Variants in CLEC2L observed in about 807,000 individuals in gnomAD.
The protein encoded by CLEC2L is C-type lectin domain family 2 member L.
In CLEC2L, 14 loss-of-function variants were observed where a neutral mutation model predicts 23.6. That is an observed-to-expected ratio of 0.59 (90% CI 0.39 to 0.93). The LOEUF is 0.93. CLEC2L is among the 40% of genes least tolerant of loss of function. CLEC2L has a pLI of 0.00. For missense variants in CLEC2L, 264 were observed against 282.4 expected (o/e 0.93, Z 0.47); for synonymous variants, 114 against 121.3 (o/e 0.94, Z 0.40).
intron 4 of CLEC2L, 129 bp from the exon 5 acceptor site, chr7:139,544,102 C>T (rs1026546426): frequency 1.5e-6 from 1 of 663,934 alleles, no homozygotes; most frequent in Non-Finnish European, 2.7e-6. Context: ...GCCCAAATGT[C>T]CTAGAAGGCA....
At chr7:139,535,951 C>T (rs973192309) in intron 1 of CLEC2L, among the ~76,000 whole-genome samples, 12 of 152,246 alleles carry the variant, frequency 7.9e-5, no homozygotes, top group African/African-American at 1.4e-4. Flanking sequence ...ATCAGAGCTG[C>T]GCTCTACAGC....
intron 1 of CLEC2L, among the ~76,000 whole-genome samples, chr7:139,533,935 A>G (rs564741899): frequency 1.7e-4 from 26 of 152,260 alleles, no homozygotes; most frequent in Non-Finnish European, 2.8e-4. Flanking sequence ...AACATTGACT[A>G]AAAAAACACT....
rs1421128544 is a variant in CLEC2L, at chr7:139,544,368, G to T, written c.*26G>T. On this transcript the variant is annotated 3_prime_UTR_variant, in exon 5 of 5. Coordinates refer to ENST00000422142, the MANE Select transcript of CLEC2L (RefSeq NM_001080511.4). Reference sequence around the variant, plus strand: ...GGTGGGTGGGGCCAGAGGTGGCCCCGCCCCTAGGCCTGTGGGAGGTGTCTG... The same window carrying T: ...GGTGGGTGGGGCCAGAGGTGGCCCCTCCCCTAGGCCTGTGGGAGGTGTCTG... 2 of 1,479,388 alleles carry T rather than the reference G, an allele frequency of 1.4e-6. No homozygotes were observed. Among genetic ancestry groups the T allele is most frequent in the Non-Finnish European group, 1.9e-6 (2 of 1,068,118 alleles). The allele number at this position is 1,479,388 out of a possible 1,614,324, so 91.6% of individuals were successfully genotyped here. A position where few individuals can be genotyped will look rare whatever the true frequency, so the allele number is the denominator to read the frequency against.
At chr7:139,538,440 AAAAC>A (rs1240059215) in intron 2 of CLEC2L, among the ~76,000 whole-genome samples, 4 of 146,838 alleles carry the variant, frequency 2.7e-5, no homozygotes, top group African/African-American at 1.0e-4. Context: ...CAAAAAAAAA[AAAAC>A]AAAAAACAAA....
chr7:139,524,778 T>G (rs1035129945), intron 1 of CLEC2L, among the ~76,000 whole-genome samples: 13 of 151,932 alleles, frequency 8.6e-5, no homozygotes, highest in Non-Finnish European at 7.4e-5. Context: ...CGGCGTGTGG[T>G]GTGGGAGATG....
rs1431170204 is a variant in CLEC2L at position 139,540,722 on chromosome 7, C to T, written c.432+235C>T. Among the ~76,000 whole-genome samples, 1 of 152,128 alleles carries T rather than the reference C, an allele frequency of 6.6e-6. No individual in the cohort carries two copies. The highest frequency in any genetic ancestry group is 1.5e-5 in the Non-Finnish European group (1 of 68,030). On this transcript the variant is annotated intron_variant, in intron 3 of 4. Coordinates refer to ENST00000422142, the MANE Select transcript of CLEC2L (RefSeq NM_001080511.4). This position sits in a 1 kb window ranked among gnomAD's most constrained non-coding sequence, Gnocchi z 5.8. The stretch of plus-strand genomic sequence containing the variant: ...AGGCCACCTATTTCAATCCAAGGCC[C>T]ACTGGTTGAGGTCACTTAGTATTAT...
chr7:139,530,055 G>A (rs973396312), intron 1 of CLEC2L, among the ~76,000 whole-genome samples: 2 of 151,320 alleles, frequency 1.3e-5, no homozygotes, highest in Non-Finnish European at 1.5e-5. Flanking sequence ...ATGGTGGCAC[G>A]TGCCTCTAAT....
At chr7:139,532,402 G>A (rs1198712470) in intron 1 of CLEC2L, among the ~76,000 whole-genome samples, 4 of 152,192 alleles carry the variant, frequency 2.6e-5, no homozygotes, top group Non-Finnish European at 4.4e-5. Flanking sequence ...TGGGAGAAAA[G>A]GAACAGAGGA....
At chr7:139,543,293 C>T (rs1470338628) in intron 4 of CLEC2L, among the ~76,000 whole-genome samples, 3 of 152,214 alleles carry the variant, frequency 2.0e-5, no homozygotes, top group African/African-American at 4.8e-5. Context: ...GGTCTGCTCT[C>T]TCAGAGTGGC....
rs867958791 is a variant in CLEC2L at position 139,536,262 on chromosome 7, C to G, written c.191-12C>G. 6.2e-5 allele frequency: 96 copies of G among 1,550,884 alleles called. No individual in the cohort carries two copies. The Middle Eastern group carries it at 1.8e-3, about 30-fold the overall frequency. Reference sequence around the variant, plus strand: ...GGGCGGTGGGATGTTGAACCCCTCTCTCTTCTCCTAGACACCACCACACGC... The same window carrying G: ...GGGCGGTGGGATGTTGAACCCCTCTGTCTTCTCCTAGACACCACCACACGC... On this transcript the variant is annotated splice_polypyrimidine_tract_variant and intron_variant, in intron 1 of 4. Coordinates refer to ENST00000422142, the MANE Select transcript of CLEC2L (RefSeq NM_001080511.4).
chr7:139,524,894 C>G (rs1797484417), intron 1 of CLEC2L, among the ~76,000 whole-genome samples: 1 of 152,086 alleles, frequency 6.6e-6, no homozygotes, highest in Non-Finnish European at 1.5e-5. Flanking sequence ...ACTAGGGAAG[C>G]CTGGAGCCTG....
At chr7:139,534,500 T>A in intron 1 of CLEC2L, 1 of 778,586 alleles carries the variant, frequency 1.3e-6, no homozygotes, top group Non-Finnish European at 2.4e-6. Context: ...AAAGACTGGA[T>A]TAAAGAGAAG....
rs767203567 is a variant in CLEC2L at position 139,540,287 on chromosome 7, G to T, written c.266-34G>T. 1.3e-5 allele frequency: 21 copies of T among 1,576,054 alleles called. No individual in the cohort carries two copies. The highest frequency in any genetic ancestry group is 8.9e-5 in the Admixed American group (5 of 56,002). On this transcript the variant is annotated intron_variant, in intron 2 of 4. Transcript: ENST00000422142. The surrounding 1 kb of genome is among the most constrained non-coding windows in gnomAD (Gnocchi z 5.8). ...AGCAGAGTGGGACTCGGGCTGGGGG[G>T]GCGGGCAGGGCCGAGCTGGTCTCTT...
chr7:139,531,797 C>G (rs780094196), intron 1 of CLEC2L, among the ~76,000 whole-genome samples: 2 of 151,858 alleles, frequency 1.3e-5, no homozygotes, highest in African/African-American at 2.4e-5. Context: ...GTAATCTCAG[C>G]TACTTGGGAG....
chr7:139,541,965 G>C, intron 3 of CLEC2L, 56 bp from the exon 4 acceptor site: 2 of 1,192,672 alleles, frequency 1.7e-6, no homozygotes, highest in Non-Finnish European at 2.4e-6. Flanking sequence ...CTTGGGATGT[G>C]ACAGCAGTCA....
chr7:139,535,710 T>C lies in CLEC2L; in HGVS notation c.191-564T>C, dbSNP rs370301545. The stretch of plus-strand genomic sequence containing the variant: ...ATGGATGGTGTAGAGGTGGGTGAAT[T>C]TTAGGAAGTATCTGTGGAGGAGGTG... On this transcript the variant is annotated intron_variant, in intron 1 of 4. Transcript: ENST00000422142. Among the ~76,000 whole-genome samples, 45 of 150,834 alleles carry C rather than the reference T, an allele frequency of 3.0e-4. 2 individuals are homozygous for C. The highest frequency in any genetic ancestry group is 2.2e-3 in the Admixed American group (33 of 15,166).
At chr7:139,536,976 CAAAA>C (rs1159255018) in intron 2 of CLEC2L, among the ~76,000 whole-genome samples, 2 of 37,312 alleles carry the variant, frequency 5.4e-5, no homozygotes, top group African/African-American at 8.2e-5. Context: ...GACTCCATCT[CAAAA>C]AAAAAAAAAA....
chr7:139,525,808 T>A (rs1305781775), intron 1 of CLEC2L, among the ~76,000 whole-genome samples: 1 of 152,148 alleles, frequency 6.6e-6, no homozygotes, highest in African/African-American at 2.4e-5. Context: ...CACCCCCTTG[T>A]GCTTCCTCCT....
intron 2 of CLEC2L, among the ~76,000 whole-genome samples, chr7:139,538,860 C>T (rs1271585088): frequency 6.6e-6 from 1 of 152,206 alleles, no homozygotes; most frequent in Non-Finnish European, 1.5e-5. Flanking sequence ...GTTTCCTTTT[C>T]CCCTCTTACT....
Sources: allele counts gnomAD v4.1 joint callset (sites outside exome capture counted in the v4.1 genomes callset), GRCh38; gene constraint gnomAD v4.1.1; non-coding constraint Gnocchi (gnomAD v3.1); transcripts MANE v1.5; gene names NCBI Gene and HGNC (gene_info 2026-07-23, HGNC 2026-07-21).